TCERG1L: variants seen among roughly 807,000 people sequenced by gnomAD.
TCERG1L encodes transcription elongation regulator 1-like protein.
TCERG1L carries 37 observed loss-of-function variants against 56.3 expected under a neutral mutation model. The observed-to-expected ratio is 0.66, with a 90% CI of 0.51 to 0.87. The LOEUF (loss-of-function observed/expected upper bound fraction) is 0.87, where lower values mean the gene tolerates loss of function less well. Ranked by LOEUF, TCERG1L falls within the 40% of genes least tolerant of loss-of-function variation. TCERG1L has a pLI of 0.00. For missense variants in TCERG1L, 799 were observed against 774.2 expected (o/e 1.03, Z -0.38); for synonymous variants, 324 against 326.3 (o/e 0.99, Z 0.08).
At chr10:131,296,594 T>C (rs1846693088) in intron 3 of TCERG1L, among the ~76,000 whole-genome samples, 1 of 152,236 alleles carries the variant, frequency 6.6e-6, no homozygotes, top group Non-Finnish European at 1.5e-5. Context: ...TCAGAACTAC[T>C]GTGGTGATTC....
intron 4 of TCERG1L, among the ~76,000 whole-genome samples, chr10:131,226,932 C>A (rs1177611012): frequency 1.3e-5 from 2 of 152,252 alleles, no homozygotes; most frequent in African/African-American, 4.8e-5. Context: ...GCCCTCCCAC[C>A]TCCTGGAGTC....
At chr10:131,245,420 TA>T (rs397816461) in intron 4 of TCERG1L, among the ~76,000 whole-genome samples, 1 of 150,976 alleles carries the variant, frequency 6.6e-6, no homozygotes, top group Non-Finnish European at 1.5e-5. Flanking sequence ...ATTTTTTTTT[TA>T]AAAAAACTGA....
chr10:131,256,992 G>GGAAGGAAGGAAGGAAAGAAAAGAAA (rs1846173015), intron 4 of TCERG1L, among the ~76,000 whole-genome samples: 1 of 59,170 alleles, frequency 1.7e-5, no homozygotes, highest in African/African-American at 5.5e-5. Flanking sequence ...AAGGAAGGAA[G>GGAAGGAAGGAAGGAAAGAAAAGAAA]GAAAGAAAGA....
intron 7 of TCERG1L, among the ~76,000 whole-genome samples, chr10:131,143,756 C>T (rs141862461): frequency 7.2e-5 from 11 of 152,236 alleles, no homozygotes; most frequent in East Asian, 1.9e-4. Flanking sequence ...TGGCACGGAA[C>T]GGATGGGGCT....
At chr10:131,102,311 C>T (rs1472072493) in intron 10 of TCERG1L, among the ~76,000 whole-genome samples, 1 of 152,202 alleles carries the variant, frequency 6.6e-6, no homozygotes, top group East Asian at 1.9e-4. Context: ...ACCCCTGAGC[C>T]TGCTCCAGGG....
At chr10:131,237,213 C>T (rs1271318343) in intron 4 of TCERG1L, among the ~76,000 whole-genome samples, 2 of 152,126 alleles carry the variant, frequency 1.3e-5, no homozygotes, top group African/African-American at 2.4e-5. Flanking sequence ...CCTCACCCTC[C>T]AAGCTTTGCC....
At chr10:131,160,402 C>A (rs1011298450) in intron 6 of TCERG1L, among the ~76,000 whole-genome samples, 38 of 151,952 alleles carry the variant, frequency 2.5e-4, no homozygotes, top group African/African-American at 8.4e-4. Flanking sequence ...AAGCCCGTGG[C>A]CCTACACCCC....
intron 4 of TCERG1L, among the ~76,000 whole-genome samples, chr10:131,254,661 C>T (rs754283599): frequency 2.0e-5 from 3 of 152,042 alleles, no homozygotes; most frequent in African/African-American, 7.2e-5. Context: ...ACCGTGGACT[C>T]GGTGTGGGTT....
intron 7 of TCERG1L, among the ~76,000 whole-genome samples, chr10:131,140,387 G>A (rs1256472524): frequency 6.6e-6 from 1 of 152,152 alleles, no homozygotes; most frequent in Non-Finnish European, 1.5e-5. Context: ...TCCGCATCCT[G>A]TCCGATGTCC....
At chr10:131,135,821 G>T (rs1011522880) in intron 7 of TCERG1L, among the ~76,000 whole-genome samples, 1 of 152,246 alleles carries the variant, frequency 6.6e-6, no homozygotes, top group Non-Finnish European at 1.5e-5. Context: ...CCTTCTGAAA[G>T]GATGTAGGCC....
intron 2 of TCERG1L, 44 bp downstream of exon 2, chr10:131,309,109 A>G: frequency 6.3e-7 from 1 of 1,576,774 alleles, no homozygotes; most frequent in East Asian, 2.3e-5. Flanking sequence ...CGACAACTTA[A>G]TCATTAAAAG....
At chr10:131,287,525 C>T (rs1846558805) in intron 3 of TCERG1L, among the ~76,000 whole-genome samples, 1 of 152,138 alleles carries the variant, frequency 6.6e-6, no homozygotes, top group African/African-American at 2.4e-5. Context: ...AATAATTTGC[C>T]AGTGGGTCTG....
intron 7 of TCERG1L, among the ~76,000 whole-genome samples, chr10:131,135,785 A>G: frequency 6.6e-6 from 1 of 152,220 alleles, no homozygotes; most frequent in East Asian, 1.9e-4. Flanking sequence ...AGTATCCATC[A>G]TGCACACCCT....
rs1845329997 is a variant in TCERG1L, at chr10:131,104,300, G to A, written c.1450C>T (p.Arg484Cys). 4.5e-6 allele frequency: 7 copies of A among 1,551,066 alleles called. No individual in the cohort carries two copies. The highest frequency in any genetic ancestry group is 1.7e-4 in the Middle Eastern group (1 of 5,990). ...KELHKIVFDP[R>C]YLLLNSEERK... is the part of the protein sequence containing the mutation. The stretch of plus-strand genomic sequence containing the variant: ...TCCTCAGAGTTGAGCAGGAGATAGC[G>A]TGGGTCAAACACGATTTTGTGTAAT... The change falls in exon 10 of 12, where the codon CGC becomes TGC. Residue 484 changes from arginine to cysteine, a missense_variant. Arg to Cys is a radical substitution (Grantham distance 180, BLOSUM62 -3). Coordinates refer to ENST00000368642, the MANE Select transcript of TCERG1L (RefSeq NM_174937.4).
chr10:131,123,188 C>T (rs1369935250), intron 8 of TCERG1L, among the ~76,000 whole-genome samples: 2 of 152,168 alleles, frequency 1.3e-5, no homozygotes, highest in Non-Finnish European at 2.9e-5. Flanking sequence ...CCCAGGATCC[C>T]AGGCCCCTGC....
At chr10:131,233,503 CAT>C (rs71486838) in intron 4 of TCERG1L, among the ~76,000 whole-genome samples, 9,699 of 152,128 alleles carry the variant, frequency 0.064, 386 homozygotes, top group Middle Eastern at 0.17. Flanking sequence ...CACACACACA[CAT>C]GCACACACAA....
intron 4 of TCERG1L, among the ~76,000 whole-genome samples, chr10:131,170,676 T>C (rs764338814): frequency 9.2e-5 from 14 of 152,130 alleles, no homozygotes; most frequent in Admixed American, 2.0e-4. Flanking sequence ...ACTGCTCTTA[T>C]AGAGTCCAGC....
intron 4 of TCERG1L, among the ~76,000 whole-genome samples, chr10:131,183,942 C>A (rs1845209236): frequency 1.3e-5 from 2 of 152,356 alleles, no homozygotes; most frequent in African/African-American, 4.8e-5. Flanking sequence ...ACTCGACTCA[C>A]CTCCTCTGAC....
chr10:131,166,717 A>T (rs1846033464), intron 5 of TCERG1L, 80 bp downstream of exon 5: 4 of 1,381,100 alleles, frequency 2.9e-6, no homozygotes, highest in Non-Finnish European at 4.1e-6. Context: ...TACAGCAAAC[A>T]AGCGTGAGGG....
Sources: gnomAD v4.1 joint callset for allele counts (sites outside exome capture counted in the v4.1 genomes callset) on GRCh38, gnomAD v4.1.1 for gene constraint, MANE v1.5 for transcripts, NCBI Gene and HGNC (gene_info 2026-07-23, HGNC 2026-07-21) for gene names.